ARSA: variants seen among roughly 807,000 people sequenced by gnomAD.
ARSA encodes arylsulfatase A.
ARSA carries 32 observed loss-of-function variants against 37.8 expected under a neutral mutation model. The ratio of observed to expected loss-of-function variants is 0.85; its 90% CI spans 0.64 to 1.14. The LOEUF (loss-of-function observed/expected upper bound fraction) is 1.14, where lower values mean the gene tolerates loss of function less well. Ranked by LOEUF, ARSA falls within the 50% of genes most tolerant of loss-of-function variation. ARSA has a pLI of 0.00. For missense variants in ARSA, 685 were observed against 686.3 expected, an observed-to-expected ratio of 1.00 and a Z score of 0.02; for synonymous variants, 303 against 303.4, an observed-to-expected ratio of 1.00 and a Z score of 0.01.
In ARSA at chr22:50,625,328, C is replaced by T. The variant is rs1187220429; in HGVS notation, c.1347G>A (p.Gly449=). The T allele has an allele frequency of 6.2e-7, 1 of 1,612,356 alleles. No homozygotes were observed. The highest frequency in any genetic ancestry group is 1.7e-4 in the Middle Eastern group (1 of 6,056). Residue 449 remains glycine, a synonymous_variant, in exon 8 of 8, where the codon GGG becomes GGA. Transcript: ENST00000216124. ...GGGCTTGCAGCACCTCTGGGGTGGC[C>T]CCGGCCACACCCCCCAGCAGGTTGT... is the stretch of plus-strand genomic sequence containing the variant. ...ENYNLLGGVA[G]ATPEVLQALK...
chr22:50,625,618 C>G lies in ARSA; in HGVS notation c.1171G>C (p.Val391Leu). 1 of 1,613,738 alleles carries G rather than the reference C, an allele frequency of 6.2e-7. No homozygotes were observed. The highest frequency in any genetic ancestry group is 1.1e-5 in the South Asian group (1 of 91,082). ...TGAGCCTTGTACTTTCCAGTCCGCA[C>G]AGCAAAAACCCCACGGACCTCGTCT... ...YPDEVRGVFAVRTGKYKAHFF... is the reference protein window; with the variant it reads ...YPDEVRGVFALRTGKYKAHFF... The change falls in exon 7 of 8, where the codon GTG (valine) becomes CTG (leucine). Residue 391 changes from valine (V) to leucine (L), a missense_variant. Val to Leu is a conservative substitution (Grantham distance 32). Transcript: ENST00000216124.
intron 4 of ARSA, 128 bp from the exon 5 acceptor site, chr22:50,626,406 C>T: frequency 6.6e-7 from 1 of 1,507,338 alleles, no homozygotes. Context: ...CGGCACCTCC[C>T]AGGCCTACCA....
At chr22:50,626,444 C>T in intron 4 of ARSA, 147 bp downstream of exon 4, 2 of 1,478,926 alleles carry the variant, frequency 1.4e-6, no homozygotes, top group Non-Finnish European at 1.8e-6. Context: ...ACTGTGTCTC[C>T]TGACTACACC....
In ARSA at chr22:50,627,189, C is replaced by G. The variant is rs1188592346; in HGVS notation, c.442G>C (p.Gly148Arg). The stretch of plus-strand genomic sequence containing the variant: ...ACCTGGTCGTGGGAGTACGGGATGC[C>G]TAGAAATCGATGGAAGCCCTGATGG... ...PPHQGFHRFL[G>R]IPYSHDQGPC... Residue 148 changes from glycine to arginine, a missense_variant, in exon 2 of 8, where the codon GGC (glycine) becomes CGC (arginine). Gly to Arg is a moderately radical substitution (Grantham distance 125). Coordinates refer to ENST00000216124, the MANE Select transcript of ARSA (RefSeq NM_000487.6). The G allele has an allele frequency of 6.2e-7, 1 of 1,612,856 alleles. No homozygotes were observed. Among genetic ancestry groups the G allele is most frequent in the East Asian group, 2.2e-5 (1 of 44,864 alleles).
intron 6 of ARSA, 73 bp from the exon 7 acceptor site, chr22:50,625,754 G>T: frequency 6.4e-7 from 1 of 1,573,428 alleles, no homozygotes. Flanking sequence ...TGCCAGCCCT[G>T]GTGGGAGGCC....
Position 50,625,252 on chromosome 22 carries a change from C to T in ARSA, c.1423G>A (p.Gly475Ser), listed in dbSNP as rs1017776709. ...KAQLDAAVTF[G>S]PSQVARGEDP... ...TCGCCCCGGGCCACCTGGCTGGGGC[C>T]GAAGGTCACAGCTGCGTCTAACTGG... The change falls in exon 8 of 8, where the codon GGC (glycine) becomes AGC (serine). Residue 475 changes from glycine to serine, a missense_variant. Transcript: ENST00000216124. 10 of 1,611,964 alleles carry T rather than the reference C, an allele frequency of 6.2e-6. No individual in the cohort carries two copies. The highest frequency in any genetic ancestry group is 1.7e-4 in the Middle Eastern group (1 of 6,052).
chr22:50,626,353 C>T, intron 4 of ARSA, 75 bp from the exon 5 acceptor site: 2 of 1,584,458 alleles, frequency 1.3e-6, no homozygotes, highest in South Asian at 1.1e-5. Context: ...TGGCCCCACA[C>T]CTCTAAGTCA....
intron 6 of ARSA, 77 bp downstream of exon 6, chr22:50,625,859 A>G: frequency 6.5e-7 from 1 of 1,549,604 alleles, no homozygotes; most frequent in Non-Finnish European, 8.7e-7. Context: ...ACAGACTCTC[A>G]GGCACTGCCC....
Position 50,624,368 on chromosome 22 carries a change from G to C in ARSA, c.*777C>G, listed in dbSNP as rs115593886. Among the ~76,000 whole-genome samples the C allele has an allele frequency of 0.013, 2,001 of 152,346 alleles. 58 individuals are homozygous for C. Among genetic ancestry groups the C allele is most frequent in the African/African-American group, 0.045 (1,858 of 41,564 alleles). ...TTACAGGCGTGAGCCACCGTGCCCAGCCAACAGATATTTTTAAGAGATCAC... is the reference window on the plus strand; with the variant it reads ...TTACAGGCGTGAGCCACCGTGCCCACCCAACAGATATTTTTAAGAGATCAC... On this transcript the variant is annotated 3_prime_UTR_variant, in exon 8 of 8. Transcript: ENST00000216124.
rs1480808884 is a variant in ARSA at position 50,625,987 on chromosome 22, A to G, written c.1056T>C (p.Asn352=). 4 of 1,577,034 alleles carry G rather than the reference A, an allele frequency of 2.5e-6. No individual in the cohort carries two copies. Among genetic ancestry groups the G allele is most frequent in the Admixed American group, 1.9e-5 (1 of 52,118 alleles). The change falls in exon 6 of 8, where the codon AAT becomes AAC. Residue 352 remains asparagine (N), a synonymous_variant. Transcript: ENST00000216124. ...LAALAGAPLP[N]VTLDGFDLSP... Reference sequence around the variant, plus strand: ...TGAGGTCAAAGCCATCCAAGGTGACATTGGGCAGTGGGGCCCCAGCCAGGG... The same window carrying G: ...TGAGGTCAAAGCCATCCAAGGTGACGTTGGGCAGTGGGGCCCCAGCCAGGG...
Position 50,627,225 on chromosome 22 carries a change from A to G in ARSA, c.406T>C (p.Phe136Leu). Residue 136 changes from phenylalanine (F) to leucine (L), a missense_variant, in exon 2 of 8, where the codon TTC becomes CTC. Physicochemically the swap from Phe to Leu is conservative, Grantham distance 22. Coordinates refer to ENST00000216124, the MANE Select transcript of ARSA (RefSeq NM_000487.6). ...TGGAAGCCCTGATGGGGGGGCAGGA[A>G]GGCCCCCTCAGGCCCCACCCCAAGG... The part of the protein sequence containing the change: ...WHLGVGPEGA[F>L]LPPHQGFHRF... 6.2e-7 allele frequency: 1 copy of G among 1,609,282 alleles called. No individual in the cohort carries two copies. The highest frequency in any genetic ancestry group is 8.5e-7 in the Non-Finnish European group (1 of 1,178,182).
At position 50,624,357 on chromosome 22, in the gene ARSA, C is replaced by G. The variant is rs1029933381; in HGVS notation, c.*788G>C. Among the ~76,000 whole-genome samples the G allele has an allele frequency of 6.6e-6, 1 of 152,238 alleles. No individual in the cohort carries two copies. The highest frequency in any genetic ancestry group is 2.4e-5 in the African/African-American group (1 of 41,460). ...AAGTGCTGGGATTACAGGCGTGAGC[C>G]ACCGTGCCCAGCCAACAGATATTTT... On this transcript the variant is annotated 3_prime_UTR_variant, in exon 8 of 8. Coordinates refer to ENST00000216124, the MANE Select transcript of ARSA (RefSeq NM_000487.6).
chr22:50,625,539 G>T (rs1213318322), intron 7 of ARSA, 40 bp downstream of exon 7: 1 of 1,609,926 alleles, frequency 6.2e-7, no homozygotes, highest in Non-Finnish European at 8.5e-7. Context: ...CCGGGGAGGG[G>T]TCAGCAGGTC....
Position 50,626,415 on chromosome 22 carries a change from C to G in ARSA, c.855-137G>C, listed in dbSNP as rs192164242. On this transcript the variant is annotated intron_variant, in intron 4 of 7. Transcript: ENST00000216124. Reference sequence around the variant, plus strand: ...TGAGCCCGGCACCTCCCAGGCCTACCAAGACCAGCTCTCTGTGCACTGTGT... The same window carrying G: ...TGAGCCCGGCACCTCCCAGGCCTACGAAGACCAGCTCTCTGTGCACTGTGT... 4.0e-6 allele frequency: 6 copies of G among 1,500,018 alleles called. No homozygotes were observed. In the Admixed American group the frequency reaches 9.8e-5, roughly 24 times the overall value. 92.9% of individuals were successfully genotyped at this position (1,500,018 alleles called of 1,614,324 possible).
At position 50,624,301 on chromosome 22, in the gene ARSA, C is replaced by A. The variant is rs1274624421; in HGVS notation, c.*844G>T. Among the ~76,000 whole-genome samples, 1 of 152,186 alleles carries A rather than the reference C, an allele frequency of 6.6e-6. No individual in the cohort carries two copies. Among genetic ancestry groups the A allele is most frequent in the African/African-American group, 2.4e-5 (1 of 41,448 alleles). On this transcript the variant is annotated 3_prime_UTR_variant, in exon 8 of 8. Coordinates refer to ENST00000216124, the MANE Select transcript of ARSA (RefSeq NM_000487.6). ...GGTCAGGCTGGTCTCGAACTCCCGA[C>A]CTCAGGTGATCCACCCGCCTCGGCT...
chr22:50,625,548 T>C (rs1202470045), intron 7 of ARSA, 31 bp downstream of exon 7: 2 of 1,579,206 alleles, frequency 1.3e-6, no homozygotes, highest in African/African-American at 2.8e-5. Context: ...GGTCAGCAGG[T>C]CGGGGGGAGG....
At position 50,627,546 on chromosome 22, in the gene ARSA, C is replaced by T. The variant is rs1603445022; in HGVS notation, c.224+10G>A. 3 of 1,560,134 alleles carry T rather than the reference C, an allele frequency of 1.9e-6. No individual in the cohort carries two copies. Among genetic ancestry groups the T allele is most frequent in the Non-Finnish European group, 2.6e-6 (3 of 1,151,832 alleles). On this transcript the variant is annotated intron_variant, in intron 1 of 7. Coordinates refer to ENST00000216124, the MANE Select transcript of ARSA (RefSeq NM_000487.6). Reference sequence around the variant, plus strand: ...GTCGGGGCGGGGAAGAGGCGCGGCCCCCTCTTTACCTAGAGGGTGTGCACA... The same window carrying T: ...GTCGGGGCGGGGAAGAGGCGCGGCCTCCTCTTTACCTAGAGGGTGTGCACA...
Position 50,625,106 on chromosome 22 carries a change from G to A in ARSA, c.*39C>T, listed in dbSNP as rs2082639953. On this transcript the variant is annotated 3_prime_UTR_variant, in exon 8 of 8. Transcript: ENST00000216124. ...CCTGAGCCTCCCCCACAGGCTCCCA[G>A]TGAGGAGCCATCACATGCCCAGGCC... The A allele has an allele frequency of 2.0e-6, 3 of 1,491,888 alleles. No homozygotes were observed. Among genetic ancestry groups the A allele is most frequent in the African/African-American group, 1.4e-5 (1 of 71,760 alleles). The allele number at this position is 1,491,888 out of a possible 1,614,324, so 92.4% of individuals were successfully genotyped here.
In ARSA at chr22:50,626,044, G is replaced by T. The variant is rs374063562; in HGVS notation, c.999C>A (p.Ala333=). Residue 333 remains alanine (A), a synonymous_variant, in exon 6 of 8, where the codon GCC becomes GCA. Coordinates refer to ENST00000216124, the MANE Select transcript of ARSA (RefSeq NM_000487.6). ...HIAPGVTHEL[A]SSLDLLPTLA... Reference sequence around the variant, plus strand: ...GGGTAGGCAGCAGGTCCAGGGAGCTGGCCAGCTCGTGGGTCACGCCTGGGG... The same window carrying T: ...GGGTAGGCAGCAGGTCCAGGGAGCTTGCCAGCTCGTGGGTCACGCCTGGGG... The T allele has an allele frequency of 5.7e-6, 9 of 1,590,912 alleles. No homozygotes were observed. The African/African-American group carries it at 1.2e-4, about 21-fold the overall frequency.
Sources: allele counts gnomAD v4.1 joint callset (sites outside exome capture counted in the v4.1 genomes callset), GRCh38; gene constraint gnomAD v4.1.1; transcripts MANE v1.5; gene names NCBI Gene and HGNC (gene_info 2026-07-23, HGNC 2026-07-21).